The following CR1 variants were observed in gnomAD, a reference collection of about 807,000 sequenced individuals.
The protein encoded by CR1 is complement receptor type 1.
In CR1, 116 loss-of-function variants were observed where a neutral mutation model predicts 187.3. The ratio of observed to expected loss-of-function variants is 0.62; its 90% CI spans 0.53 to 0.72. The LOEUF (loss-of-function observed/expected upper bound fraction) is 0.72, where lower values mean the gene tolerates loss of function less well. Ranked by LOEUF, CR1 falls within the 30% of genes least tolerant of loss-of-function variation. The pLI, the probability that CR1 is intolerant of heterozygous loss-of-function variation, is 0.00. For synonymous variants in CR1, 576 were observed against 747.1 expected (o/e 0.77, Z 3.73); for missense variants, 1,731 against 2,110.7 (o/e 0.82, Z 3.52).
intron 1 of CR1, among the ~76,000 whole-genome samples, chr1:207,504,756 G>GGATGCT (rs1306409484): frequency 6.6e-6 from 1 of 152,160 alleles, no homozygotes; most frequent in African/African-American, 2.4e-5. Context: ...TTGAATGGAT[G>GGATGCT]GATGCTGATT....
At chr1:207,524,897 A>G (rs1361578763) in intron 5 of CR1, among the ~76,000 whole-genome samples, 1 of 151,990 alleles carries the variant, frequency 6.6e-6, no homozygotes, top group Non-Finnish European at 1.5e-5. Context: ...TCACATTCCT[A>G]TAAAAAACTA....
chr1:207,580,288 A>C lies in CR1; in HGVS notation c.4985A>C (p.His1662Pro). Reference sequence around the variant, plus strand: ...CTGCATGGTGAGCATACCCCAAGCCATCAGGACAACTTTTCACCTGGGCAG... The same window carrying C: ...CTGCATGGTGAGCATACCCCAAGCCCTCAGGACAACTTTTCACCTGGGCAG... ...EILHGEHTPS[H>P]QDNFSPGQEV... The change falls in exon 30 of 47, where the codon CAT (histidine) becomes CCT (proline). Residue 1662 changes from histidine (H) to proline (P), a missense_variant. By Grantham distance (77) the His-to-Pro change is moderately conservative. This residue lies in a region of CR1 where 1,312 missense variants were observed against 1,379.6 expected (regional missense o/e 0.95). Coordinates refer to ENST00000367049, the MANE Select transcript of CR1 (RefSeq NM_000651.6). The C allele has an allele frequency of 4.3e-6, 7 of 1,613,864 alleles. No homozygotes were observed. Among genetic ancestry groups the C allele is most frequent in the Non-Finnish European group, 5.9e-6 (7 of 1,179,842 alleles).
At chr1:207,635,906 T>A (rs942157740) in intron 46 of CR1, among the ~76,000 whole-genome samples, 1 of 152,216 alleles carries the variant, frequency 6.6e-6, no homozygotes, top group African/African-American at 2.4e-5. Context: ...CATTTAACCC[T>A]GAGTTGACAC....
At chr1:207,584,585 A>T (rs1661053338) in intron 32 of CR1, 64 bp from the exon 33 acceptor site, 16 of 1,558,946 alleles carry the variant, frequency 1.0e-5, no homozygotes, top group Non-Finnish European at 1.1e-5. Context: ...TGACAACTGT[A>T]GAATCACCTT....
chr1:207,498,419 C>T (rs1040985929), intron 1 of CR1, among the ~76,000 whole-genome samples: 2 of 152,116 alleles, frequency 1.3e-5, no homozygotes, highest in African/African-American at 4.8e-5. Flanking sequence ...TTATGAGTTA[C>T]TCACAGTACC....
chr1:207,567,619 C>G (rs1160109534), intron 24 of CR1, among the ~76,000 whole-genome samples: 1 of 150,102 alleles, frequency 6.7e-6, no homozygotes, highest in African/African-American at 2.5e-5. Context: ...TGTTACTATC[C>G]GGAAGATTCA....
chr1:207,592,060 T>C (rs935620147), intron 35 of CR1, among the ~76,000 whole-genome samples: 3 of 151,816 alleles, frequency 2.0e-5, no homozygotes, highest in Non-Finnish European at 4.4e-5. Context: ...TTCCAAACAA[T>C]AGAAAAAGAG....
At chr1:207,602,759 A>C (rs769013501) in intron 35 of CR1, among the ~76,000 whole-genome samples, 16 of 152,100 alleles carry the variant, frequency 1.1e-4, no homozygotes, top group Non-Finnish European at 2.1e-4. Flanking sequence ...TTACCTGAAA[A>C]CCCGAAGGAA....
chr1:207,500,158 G>GT (rs1472661623), intron 1 of CR1, among the ~76,000 whole-genome samples: 19 of 152,158 alleles, frequency 1.2e-4, no homozygotes, highest in Admixed American at 6.5e-4. Flanking sequence ...CAATGTGACT[G>GT]TTTTTTGTCC....
intron 35 of CR1, among the ~76,000 whole-genome samples, chr1:207,602,702 T>G (rs551223944): frequency 6.6e-6 from 1 of 152,030 alleles, no homozygotes; most frequent in African/African-American, 2.4e-5. Context: ...CATATAGATA[T>G]AGATAGAGAG....
chr1:207,584,918 T>C (rs1571560613), intron 33 of CR1, 42 bp downstream of exon 33: 1 of 1,608,708 alleles, frequency 6.2e-7, no homozygotes, highest in Non-Finnish European at 8.5e-7. Flanking sequence ...GTTCAGAATA[T>C]GTGGACCCAA....
At chr1:207,607,411 GA>G in intron 36 of CR1, 75 bp downstream of exon 36, 1 of 1,108,442 alleles carries the variant, frequency 9.0e-7, no homozygotes, top group Non-Finnish European at 1.4e-6. Flanking sequence ...AGAATAAATT[GA>G]ATCCTTCTTG....
rs1281004031 is a variant in CR1, at chr1:207,633,508, A to G, written c.7457+2887A>G. 3.3e-5 allele frequency among the ~76,000 whole-genome samples: 5 copies of G among 152,234 alleles called. No homozygotes were observed. The East Asian group carries it at 5.8e-4, about 18-fold the overall frequency. On this transcript the variant is annotated intron_variant, in intron 46 of 46. Coordinates refer to ENST00000367049, the MANE Select transcript of CR1 (RefSeq NM_000651.6). ...CAGTACATAACCTATAGTAATTGAC[A>G]TTTCCTGTGTTGTTTTTTGCCTGTT...
chr1:207,498,704 C>T (rs1014575856), intron 1 of CR1, among the ~76,000 whole-genome samples: 2 of 151,370 alleles, frequency 1.3e-5, no homozygotes, highest in African/African-American at 4.9e-5. Context: ...CATAGTGAAA[C>T]CCTGTCTCTA....
chr1:207,578,469 G>T (rs1346636160), intron 29 of CR1, among the ~76,000 whole-genome samples: 1 of 152,200 alleles, frequency 6.6e-6, no homozygotes, highest in African/African-American at 2.4e-5. Flanking sequence ...AGTACCAGCT[G>T]CAATCTCTCT....
At chr1:207,574,289 T>C (rs561876351) in intron 27 of CR1, among the ~76,000 whole-genome samples, 7 of 152,260 alleles carry the variant, frequency 4.6e-5, no homozygotes, top group African/African-American at 1.7e-4. Flanking sequence ...ATTCCAGAAA[T>C]AAAATGTGAA....
chr1:207,627,064 A>T (rs12028134), intron 45 of CR1, among the ~76,000 whole-genome samples: 74,295 of 151,846 alleles, frequency 0.49, 19,559 homozygotes, highest in Non-Finnish European at 0.6. Context: ...TAAATTAAAT[A>T]AAATAAAACA....
intron 32 of CR1, among the ~76,000 whole-genome samples, chr1:207,582,605 G>A (rs923826060): frequency 2.1e-4 from 32 of 152,212 alleles, no homozygotes; most frequent in Admixed American, 2.0e-3. Context: ...AAAGGCAAGT[G>A]TAGCCCAGCA....
chr1:207,619,340 G>A (rs187393904), intron 42 of CR1, among the ~76,000 whole-genome samples: 65 of 140,762 alleles, frequency 4.6e-4, no homozygotes, highest in African/African-American at 1.5e-3. Context: ...CCCAGATCGC[G>A]CCACTGCACT....
Sources: gnomAD v4.1 joint callset for allele counts (sites outside exome capture counted in the v4.1 genomes callset) on GRCh38, gnomAD v4.1.1 for gene constraint, gnomAD v4.1.1 regional missense constraint, MANE v1.5 for transcripts, NCBI Gene and HGNC (gene_info 2026-07-23, HGNC 2026-07-21) for gene names.